The following CLSPN variants were observed in gnomAD, a reference collection of about 807,000 sequenced individuals.
The protein encoded by CLSPN is claspin, also known as claspin homolog.
In CLSPN, 85 loss-of-function variants were observed where a neutral mutation model predicts 156.3. The ratio of observed to expected loss-of-function variants is 0.54; its 90% confidence interval spans 0.46 to 0.65. CLSPN has a LOEUF of 0.65. Ranked by LOEUF, CLSPN falls within the 30% of genes least tolerant of loss-of-function variation. The pLI is 0.00. For missense variants in CLSPN, 1,407 were observed against 1,554.9 expected (o/e 0.90, Z 1.60); for synonymous variants, 534 against 542.4 (o/e 0.98, Z 0.22).
At position 35,735,021 on chromosome 1, in the gene CLSPN, G is replaced by T; in HGVS notation, c.*1475C>A. The T allele has an allele frequency of 1.4e-5, 14 of 985,358 alleles. No individual in the cohort carries two copies. Among genetic ancestry groups the T allele is most frequent in the Non-Finnish European group, 1.7e-5 (14 of 829,886 alleles). The allele number at this position is 985,358 out of a possible 1,614,324, so 61.0% of individuals were successfully genotyped here. Reference sequence around the variant, plus strand: ...CCATGGTGGCCTTCTCTCAAAATTAGTAATGAAATGCTGAAATGTCCATTG... The same window carrying T: ...CCATGGTGGCCTTCTCTCAAAATTATTAATGAAATGCTGAAATGTCCATTG... On this transcript the variant is annotated 3_prime_UTR_variant, in exon 25 of 25. Transcript: ENST00000318121.
chr1:35,760,599 T>C lies in CLSPN; in HGVS notation c.1322A>G (p.Glu441Gly), dbSNP rs1312998535. 1 of 1,614,078 alleles carries C rather than the reference T, an allele frequency of 6.2e-7. No individual in the cohort carries two copies. Among genetic ancestry groups the C allele is most frequent in the African/African-American group, 1.3e-5 (1 of 74,908 alleles). ...ESNFLGNNHS[E>G]ECQVGGLVAF... is the part of the protein sequence containing the mutation. ...TACAAGCCCTCCAACCTGACATTCC[T>C]CACTGTGATTGTTCCCGAGGAAGTT... The change falls in exon 8 of 25, where the codon GAG becomes GGG. Residue 441 changes from glutamate to glycine, a missense_variant. Glu to Gly is a moderately conservative substitution (Grantham distance 98). Coordinates refer to ENST00000318121, the MANE Select transcript of CLSPN (RefSeq NM_022111.4).
intron 1 of CLSPN, among the ~76,000 whole-genome samples, chr1:35,767,117 C>T (rs905466018): frequency 6.6e-6 from 1 of 151,962 alleles, no homozygotes; most frequent in Non-Finnish European, 1.5e-5. Context: ...TACATATATG[C>T]ATATATACAC....
Position 35,739,124 on chromosome 1 carries a change from C to A in CLSPN, c.3430+12G>T. 6.2e-7 allele frequency: 1 copy of A among 1,614,132 alleles called. No individual in the cohort carries two copies. Among genetic ancestry groups the A allele is most frequent in the Non-Finnish European group, 8.5e-7 (1 of 1,180,010 alleles). ...CGTAACTGATTGCTTTTAAAGACAA[C>A]AACCAAGATACCTATGTTTTTCCAT... On this transcript the variant is annotated intron_variant, in intron 20 of 24. Transcript: ENST00000318121.
Position 35,764,944 on chromosome 1 carries a change from T to G in CLSPN, c.134-230A>C, listed in dbSNP as rs573897188. Among the ~76,000 whole-genome samples the G allele has an allele frequency of 3.9e-5, 6 of 152,336 alleles. No individual in the cohort carries two copies. The South Asian group carries it at 1.0e-3, about 26-fold the overall frequency. ...TGTAATTTTACGTATATTTACAATGTGTAAAGTTGTTCTAACCTCCGGCAG... is the reference window on the plus strand; with the variant it reads ...TGTAATTTTACGTATATTTACAATGGGTAAAGTTGTTCTAACCTCCGGCAG... On this transcript the variant is annotated intron_variant, in intron 2 of 24. Transcript: ENST00000318121.
chr1:35,740,249 G>A (rs996028945), intron 18 of CLSPN, among the ~76,000 whole-genome samples: 1 of 152,110 alleles, frequency 6.6e-6, no homozygotes, highest in Non-Finnish European at 1.5e-5. Flanking sequence ...AAGGCTCAGA[G>A]CTCCTGGTAA....
chr1:35,747,805 G>A, intron 14 of CLSPN, 102 bp downstream of exon 14: 1 of 1,131,800 alleles, frequency 8.8e-7, no homozygotes, highest in Non-Finnish European at 1.3e-6. Context: ...CTCTTTCTCA[G>A]AAGAGAAAGC....
chr1:35,724,454 T>C (rs1011831558), intron 24 of CLSPN, among the ~76,000 whole-genome samples: 6 of 152,158 alleles, frequency 3.9e-5, no homozygotes, highest in African/African-American at 1.2e-4. Flanking sequence ...CCCAAGGAGC[T>C]TGGGCTCCAT....
chr1:35,743,117 A>C, intron 18 of CLSPN, 24 bp downstream of exon 18: 1 of 1,579,284 alleles, frequency 6.3e-7, no homozygotes, highest in South Asian at 1.1e-5. Flanking sequence ...CACCTGAAGG[A>C]ATGGACATAT....
chr1:35,756,756 T>A (rs919068650), intron 8 of CLSPN, among the ~76,000 whole-genome samples: 3 of 152,228 alleles, frequency 2.0e-5, no homozygotes, highest in African/African-American at 7.2e-5. Context: ...CATTTTCTCA[T>A]GGAAACCTTA....
Position 35,733,541 on chromosome 1 carries a change from C to G in CLSPN, c.*2955G>C. 2 of 985,296 alleles carry G rather than the reference C, an allele frequency of 2.0e-6. No homozygotes were observed. Among genetic ancestry groups the G allele is most frequent in the Non-Finnish European group, 2.4e-6 (2 of 829,892 alleles). The allele number at this position is 985,296 out of a possible 1,614,324, so 61.0% of individuals were successfully genotyped here. A position where few individuals can be genotyped will look rare whatever the true frequency, so the allele number is the denominator to read the frequency against. On this transcript the variant is annotated 3_prime_UTR_variant, in exon 25 of 25. Coordinates refer to ENST00000318121, the MANE Select transcript of CLSPN (RefSeq NM_022111.4). ...CAAGAGGGAAGAAATATCTAGCCTT[C>G]CTGCTCAGTTCTCTTTTGCCCAGCA... is the stretch of plus-strand genomic sequence containing the variant.
At chr1:35,729,360 G>A (rs554306349), downstream of CLSPN, among the ~76,000 whole-genome samples, 12 of 152,248 alleles carry the variant, frequency 7.9e-5, 1 homozygote, top group South Asian at 2.5e-3. Flanking sequence ...AGGAACTCAG[G>A]TGTCCACCCC....
chr1:35,764,349 C>CT lies in CLSPN; in HGVS notation c.498dup (p.Val167SerfsTer8). ...TTCTCAAGTCTTCTTTTTGATTTTA[C>CT]TTTTGCTTTTCCTGCAGTTCCTTCT... On this transcript the variant is annotated frameshift_variant, in exon 3 of 25. Transcript: ENST00000318121. LOFTEE classifies it high-confidence loss of function. The CT allele has an allele frequency of 6.2e-7, 1 of 1,605,930 alleles. No homozygotes were observed. Among genetic ancestry groups the CT allele is most frequent in the Non-Finnish European group, 8.5e-7 (1 of 1,177,948 alleles).
At chr1:35,740,574 A>G (rs1460428159) in intron 18 of CLSPN, among the ~76,000 whole-genome samples, 1 of 151,918 alleles carries the variant, frequency 6.6e-6, no homozygotes, top group Non-Finnish European at 1.5e-5. Flanking sequence ...GCGTGCCACC[A>G]TGCCTGGCTA....
At chr1:35,737,521 T>C (rs1641519638) in intron 22 of CLSPN, 100 bp from the exon 23 acceptor site, 1 of 892,670 alleles carries the variant, frequency 1.1e-6, no homozygotes, top group African/African-American at 1.7e-5. Flanking sequence ...ATCAATATGC[T>C]AAAGCCATGG....
chr1:35,735,040 T>TC lies in CLSPN; in HGVS notation c.*1455dup. Reference sequence around the variant, plus strand: ...AAATTAGTAATGAAATGCTGAAATGTCCATTGATTAGTGAGGGCAATGTAT... The same window carrying TC: ...AAATTAGTAATGAAATGCTGAAATGTCCCATTGATTAGTGAGGGCAATGTAT... On this transcript the variant is annotated 3_prime_UTR_variant, in exon 25 of 25. Coordinates refer to ENST00000318121, the MANE Select transcript of CLSPN (RefSeq NM_022111.4). The TC allele has an allele frequency of 9.1e-6, 9 of 985,452 alleles. No individual in the cohort carries two copies. The highest frequency in any genetic ancestry group is 1.1e-5 in the Non-Finnish European group (9 of 829,926). 61.0% of individuals were successfully genotyped at this position (985,452 alleles called of 1,614,324 possible).
chr1:35,739,002 T>C (rs1641589776), intron 20 of CLSPN, 134 bp downstream of exon 20: 4 of 998,368 alleles, frequency 4.0e-6, no homozygotes, highest in East Asian at 5.2e-5. Flanking sequence ...GGTTTCACCA[T>C]GTTGTTCAGG....
chr1:35,764,727 ATTTTC>A lies in CLSPN; in HGVS notation c.134-18_134-14del. Reference sequence around the variant, plus strand: ...TCTTCATCTGAATCTGGAGGAAACAATTTTCTTTTAATTATACCATCATTTGATCT... The same window carrying A: ...TCTTCATCTGAATCTGGAGGAAACAATTTTAATTATACCATCATTTGATCT... On this transcript the variant is annotated splice_polypyrimidine_tract_variant and intron_variant, in intron 2 of 24. Coordinates refer to ENST00000318121, the MANE Select transcript of CLSPN (RefSeq NM_022111.4). 6.6e-7 allele frequency: 1 copy of A among 1,526,506 alleles called. No homozygotes were observed. The highest frequency in any genetic ancestry group is 1.3e-5 in the South Asian group (1 of 78,854). The allele number at this position is 1,526,506 out of a possible 1,614,324, so 94.6% of individuals were successfully genotyped here.
chr1:35,763,110 A>G, intron 4 of CLSPN, 50 bp downstream of exon 4: 2 of 1,365,134 alleles, frequency 1.5e-6, no homozygotes, highest in Non-Finnish European at 1.9e-6. Flanking sequence ...AAAATATAGC[A>G]AAGGTCAGAA....
chr1:35,743,947 A>G (rs1427109112), intron 16 of CLSPN, among the ~76,000 whole-genome samples: 1 of 152,178 alleles, frequency 6.6e-6, no homozygotes, highest in Non-Finnish European at 1.5e-5. Context: ...ATTATCACCA[A>G]TAATCTCTTC....
Sources: allele counts gnomAD v4.1 joint callset (sites outside exome capture counted in the v4.1 genomes callset), GRCh38; gene constraint gnomAD v4.1.1; transcripts MANE v1.5; gene names NCBI Gene and HGNC (gene_info 2026-07-23, HGNC 2026-07-21).